Variants in USP30 observed in about 807,000 individuals in gnomAD.
The protein encoded by USP30 is ubiquitin carboxyl-terminal hydrolase 30.
In USP30, 41 loss-of-function variants were observed where a neutral mutation model predicts 68.2. That is an observed-to-expected ratio of 0.60 (90% CI 0.47 to 0.78). USP30 has a LOEUF of 0.78. Ranked by LOEUF, USP30 falls within the 30% of genes least tolerant of loss-of-function variation. The pLI is 0.00. For synonymous variants in USP30, 229 were observed against 253.7 expected (o/e 0.90, Z 0.93); for missense variants, 522 against 649.4 (o/e 0.80, Z 2.13).
At chr12:109,081,656 C>CAG in intron 8 of USP30, 1 of 585,018 alleles carries the variant, frequency 1.7e-6, no homozygotes, top group South Asian at 2.0e-5. Context: ...CACACACACA[C>CAG]ACACACAGAC....
Position 109,036,722 on chromosome 12 carries a change from G to GT in USP30, c.-136+9175dup, listed in dbSNP as rs533379105. On this transcript the variant is annotated intron_variant, in intron 3 of 15. Coordinates refer to the USP30 transcript ENST00000392784. Reference sequence around the variant, plus strand: ...ATATAGTATTATTGTTGACAGCTTTGTTTTTTTTTAATACTTTGAATATGT... The same window carrying GT: ...ATATAGTATTATTGTTGACAGCTTTGTTTTTTTTTTAATACTTTGAATATGT... 2.6e-4 allele frequency among the ~76,000 whole-genome samples: 39 copies of GT among 150,944 alleles called. No homozygotes were observed. The East Asian group carries it at 5.7e-3, about 22-fold the overall frequency.
At chr12:109,083,831 G>A (rs182699761) in intron 11 of USP30, among the ~76,000 whole-genome samples, 1 of 152,008 alleles carries the variant, frequency 6.6e-6, no homozygotes, top group East Asian at 1.9e-4. Context: ...TACTCCTTTT[G>A]TTCTTTTTAT....
intron 3 of USP30, among the ~76,000 whole-genome samples, chr12:109,033,448 A>G (rs919147513): frequency 1.3e-5 from 2 of 152,190 alleles, no homozygotes; most frequent in Non-Finnish European, 2.9e-5. Context: ...TTTTAGTAAC[A>G]CTGGTTTCAG....
intron 7 of USP30, among the ~76,000 whole-genome samples, chr12:109,080,182 A>T (rs772665984): frequency 1.7e-4 from 26 of 152,112 alleles, no homozygotes; most frequent in Admixed American, 1.0e-3. Flanking sequence ...TTTGGGGCTC[A>T]TCCCCTCTGT....
Position 109,073,454 on chromosome 12 carries a change from A to G in USP30, c.642A>G (p.Thr214=). 6.2e-7 allele frequency: 1 copy of G among 1,614,116 alleles called. No individual in the cohort carries two copies. Among genetic ancestry groups the G allele is most frequent in the Non-Finnish European group, 8.5e-7 (1 of 1,179,918 alleles). ...TCRTRGSPHP[T]SNHWKSQHPF... ...GCATTCCAGGGTCACCTCACCCTAC[A>G]TCCAATCACTGGAAGTCTCAACATC... The change falls in exon 7 of 13, where the codon ACA becomes ACG. Residue 214 remains threonine, a synonymous_variant. Transcript: ENST00000257548.
At chr12:109,076,218 CT>C (rs2041599236) in intron 7 of USP30, among the ~76,000 whole-genome samples, 1 of 152,104 alleles carries the variant, frequency 6.6e-6, no homozygotes, top group South Asian at 2.1e-4. Flanking sequence ...TTGTTTGCCA[CT>C]AGTATATAGA....
chr12:109,046,401 T>C (rs7979475), intron 3 of USP30, among the ~76,000 whole-genome samples: 119,954 of 150,892 alleles, frequency 0.79, 48,003 homozygotes, highest in East Asian at 1. Flanking sequence ...GCGTGAGCCA[T>C]TGCACCCAGC....
At chr12:109,042,086 T>A (rs188772946) in intron 3 of USP30, among the ~76,000 whole-genome samples, 50 of 151,870 alleles carry the variant, frequency 3.3e-4, no homozygotes, top group Admixed American at 1.1e-3. Context: ...GCATATCCTT[T>A]TAGTCATTTT....
rs2041425235 is a variant in USP30, at chr12:109,071,115, G to T, written c.481-497G>T. ...AGATAAAGAATGGTGGGTGCCAGGG[G>T]TTGGGGAAGGGGAAATGGGAAATCA... On this transcript the variant is annotated intron_variant, in intron 4 of 12. Coordinates refer to ENST00000257548, the MANE Select transcript of USP30 (RefSeq NM_032663.5). Among the ~76,000 whole-genome samples, 8 of 152,174 alleles carry T rather than the reference G, an allele frequency of 5.3e-5. 1 individual carries two copies. In the South Asian group the frequency reaches 1.7e-3, roughly 32 times the overall value.
chr12:109,053,024 G>A, intron 1 of USP30: 2 of 360,566 alleles, frequency 5.5e-6, no homozygotes, highest in Non-Finnish European at 9.9e-6. Flanking sequence ...AGGACACCCG[G>A]GGCACTCCAG....
At chr12:109,050,315 A>C (rs1383684247), upstream of USP30, among the ~76,000 whole-genome samples, 6 of 152,154 alleles carry the variant, frequency 3.9e-5, no homozygotes, top group Non-Finnish European at 8.8e-5. Context: ...ACAACAACAA[A>C]AAAACAAGAT....
chr12:109,073,682 G>A (rs1248444048), intron 7 of USP30, 150 bp downstream of exon 7: 6 of 653,822 alleles, frequency 9.2e-6, no homozygotes, highest in Non-Finnish European at 1.6e-5. Context: ...CCCCACTTTG[G>A]TCAGTGTCAG....
At chr12:109,047,767 C>T (rs2040618482), upstream of USP30, 1 of 152,208 alleles carries the variant, frequency 6.6e-6, no homozygotes, top group Non-Finnish European at 1.5e-5. Flanking sequence ...GTGGGTGGAT[C>T]ACTTGAGCCC....
chr12:109,034,579 A>T lies in USP30; in HGVS notation c.-136+7023A>T, dbSNP rs77517679. Among the ~76,000 whole-genome samples the T allele has an allele frequency of 3.4e-3, 520 of 152,302 alleles. 2 individuals are homozygous for T. The highest frequency in any genetic ancestry group is 0.012 in the African/African-American group (486 of 41,560). ...CCCATCTCTATTAAAAAAGAAAGAAAGAGAGAAAATGCATTCTGCTGCTGT... is the reference window on the plus strand; with the variant it reads ...CCCATCTCTATTAAAAAAGAAAGAATGAGAGAAAATGCATTCTGCTGCTGT... On this transcript the variant is annotated intron_variant, in intron 3 of 15. Transcript: ENST00000392784.
intron 3 of USP30, among the ~76,000 whole-genome samples, chr12:109,045,662 AG>A (rs2040597795): frequency 2.0e-5 from 3 of 152,120 alleles, no homozygotes; most frequent in African/African-American, 7.2e-5. Flanking sequence ...GGCTGTTGGG[AG>A]GATGAAACAG....
In USP30 at chr12:109,082,746, G is replaced by T; in HGVS notation, c.948+3G>T. ...TTAAACAGTTAAAACTAGGGAAGGT[G>T]AGCCCACACTACACACCCTGTTGGC... is the stretch of plus-strand genomic sequence containing the variant. On this transcript the variant is annotated splice_donor_region_variant and intron_variant, in intron 10 of 12. Transcript: ENST00000257548. 6.2e-7 allele frequency: 1 copy of T among 1,613,812 alleles called. No homozygotes were observed. Among genetic ancestry groups the T allele is most frequent in the Non-Finnish European group, 8.5e-7 (1 of 1,179,826 alleles).
rs2041984716 is a variant in USP30 at position 109,087,933 on chromosome 12, CATA to C, written c.*2007_*2009del. On this transcript the variant is annotated 3_prime_UTR_variant, in exon 13 of 13. Transcript: ENST00000257548. The stretch of plus-strand genomic sequence containing the variant: ...ACCTAAGTTAAACTAGTAGTTTTGC[CATA>C]ATAACTGCTGATTTATGTATTTGCT... The C allele has an allele frequency of 4.3e-6, 1 of 230,042 alleles. No individual in the cohort carries two copies. Among genetic ancestry groups the C allele is most frequent in the East Asian group, 9.1e-5 (1 of 10,956 alleles). The allele number at this position is 230,042 out of a possible 1,614,324, so 14.3% of individuals were successfully genotyped here.
At chr12:109,033,910 G>C (rs2040500504) in intron 3 of USP30, among the ~76,000 whole-genome samples, 1 of 152,102 alleles carries the variant, frequency 6.6e-6, no homozygotes, top group Non-Finnish European at 1.5e-5. Context: ...ACAATAACTA[G>C]GGAGGCCAAA....
chr12:109,040,747 T>C (rs1444085801), intron 3 of USP30, among the ~76,000 whole-genome samples: 1 of 152,236 alleles, frequency 6.6e-6, no homozygotes, highest in Non-Finnish European at 1.5e-5. Context: ...CTGGGCATCT[T>C]CACAACATGG....
Sources: gnomAD v4.1 joint callset for allele counts (sites outside exome capture counted in the v4.1 genomes callset) on GRCh38, gnomAD v4.1.1 for gene constraint, MANE v1.5 for transcripts, NCBI Gene and HGNC (gene_info 2026-07-23, HGNC 2026-07-21) for gene names.